Variants in ZNF385B observed in about 807,000 individuals in gnomAD.
The protein encoded by ZNF385B is zinc finger protein 533.
Under a neutral mutation model 39.2 loss-of-function variants are expected in ZNF385B, and 23 were observed. That is an observed-to-expected ratio of 0.59 (90% CI 0.42 to 0.83). The LOEUF is 0.83. Among genes scored for constraint, ZNF385B ranks in the 40% least tolerant of loss-of-function variants. The pLI is 0.00. For synonymous variants in ZNF385B, 205 were observed against 222.6 expected, an observed-to-expected ratio of 0.92 and a Z score of 0.70; for missense variants, 552 against 598.9, an observed-to-expected ratio of 0.92 and a Z score of 0.82.
chr2:179,496,971 C>A (rs1417904586), intron 5 of ZNF385B, among the ~76,000 whole-genome samples: 1 of 152,168 alleles, frequency 6.6e-6, no homozygotes, highest in African/African-American at 2.4e-5. Context: ...ATCACTTGAA[C>A]CTGAGAGGCA....
intron 3 of ZNF385B, among the ~76,000 whole-genome samples, chr2:179,662,087 A>G (rs556274569): frequency 2.0e-4 from 31 of 152,358 alleles, no homozygotes; most frequent in African/African-American, 7.2e-4. Flanking sequence ...TTAGTGAAGC[A>G]GATGTTCATT....
chr2:179,444,980 GA>G lies in ZNF385B; in HGVS notation c.1141-4del. ...TTATGCCTTCGGCTAGAAATGTGCT[GA>G]AAAAGTTTGATGCATTAGCTGGACT... On this transcript the variant is annotated splice_region_variant and splice_polypyrimidine_tract_variant and intron_variant, in intron 8 of 9. Coordinates refer to ENST00000410066, the MANE Select transcript of ZNF385B (RefSeq NM_152520.6). The G allele has an allele frequency of 6.2e-7, 1 of 1,613,354 alleles. No homozygotes were observed. The highest frequency in any genetic ancestry group is 8.5e-7 in the Non-Finnish European group (1 of 1,179,340).
chr2:179,481,739 G>A (rs959802992), intron 6 of ZNF385B, among the ~76,000 whole-genome samples: 3 of 152,120 alleles, frequency 2.0e-5, no homozygotes, highest in Admixed American at 2.0e-4. Flanking sequence ...AAAACCTTTT[G>A]CAGAGTATTA....
At chr2:179,559,648 T>C (rs1338322323) in intron 3 of ZNF385B, among the ~76,000 whole-genome samples, 1 of 152,116 alleles carries the variant, frequency 6.6e-6, no homozygotes, top group African/African-American at 2.4e-5. Flanking sequence ...TCGGGTTTTT[T>C]TTAATATCAT....
In ZNF385B at chr2:179,725,932, A is replaced by ATG. The variant is rs145287508; in HGVS notation, c.298+43569_298+43570dup. Reference sequence around the variant, plus strand: ...TGTGTATATATATATATATATATATATGTGTATATACAGAGAGAGAGATAA... The same window carrying ATG: ...TGTGTATATATATATATATATATATATGTGTGTATATACAGAGAGAGAGATAA... On this transcript the variant is annotated intron_variant, in intron 3 of 9. Coordinates refer to ENST00000410066, the MANE Select transcript of ZNF385B (RefSeq NM_152520.6). Among the ~76,000 whole-genome samples the ATG allele has an allele frequency of 8.6e-5, 11 of 127,786 alleles. No individual in the cohort carries two copies. The East Asian group carries it at 2.0e-3, about 23-fold the overall frequency. 83.8% of individuals were successfully genotyped at this position (127,786 alleles called of 152,430 possible).
At chr2:179,801,060 C>T (rs1342926345) in intron 1 of ZNF385B, among the ~76,000 whole-genome samples, 1 of 152,026 alleles carries the variant, frequency 6.6e-6, no homozygotes, top group African/African-American at 2.4e-5. Context: ...CATTTGGTAT[C>T]CCTTCCTTTC....
chr2:179,701,957 T>A (rs1169972348), intron 3 of ZNF385B, among the ~76,000 whole-genome samples: 1 of 152,190 alleles, frequency 6.6e-6, no homozygotes, highest in Non-Finnish European at 1.5e-5. Flanking sequence ...CAGAGATGAA[T>A]CCTCAGCTAA....
chr2:179,681,080 GT>G (rs11371583), intron 3 of ZNF385B, among the ~76,000 whole-genome samples: 171 of 139,054 alleles, frequency 1.2e-3, no homozygotes, highest in South Asian at 2.2e-3. Context: ...TTAAACAACT[GT>G]TTTTTTTTTT....
chr2:179,683,339 G>A (rs1411518025), intron 3 of ZNF385B, among the ~76,000 whole-genome samples: 1 of 151,918 alleles, frequency 6.6e-6, no homozygotes. Context: ...TCAGTGAGTC[G>A]AGATCATGGC....
intron 3 of ZNF385B, among the ~76,000 whole-genome samples, chr2:179,736,708 G>A (rs1575387794): frequency 1.3e-5 from 2 of 152,042 alleles, no homozygotes; most frequent in South Asian, 2.1e-4. Flanking sequence ...GTAGGCTCAC[G>A]TCTGTAATCC....
intron 6 of ZNF385B, among the ~76,000 whole-genome samples, chr2:179,460,827 A>C (rs1010362881): frequency 6.6e-6 from 1 of 152,084 alleles, no homozygotes; most frequent in Non-Finnish European, 1.5e-5. Flanking sequence ...TGCCCATGAA[A>C]CTATCCTTGA....
chr2:179,545,150 AAGAC>A (rs1182337514), intron 3 of ZNF385B, among the ~76,000 whole-genome samples, 181 bp from the exon 4 acceptor site: 1 of 152,230 alleles, frequency 6.6e-6, no homozygotes, highest in Non-Finnish European at 1.5e-5. Flanking sequence ...CTCATTATCC[AAGAC>A]AGTGGTGCAC....
rs1401662372 is a variant in ZNF385B, at chr2:179,443,293, G to C, written c.1418C>G (p.Pro473Arg). Residue 473 changes from proline (P) to arginine (R), a missense_variant, in exon 10 of 10, where the codon CCC (proline) becomes CGC (arginine). Physicochemically the swap from Pro to Arg is moderately radical, Grantham distance 103. Transcript: ENST00000410066. ...PPALLRPGHG[P>R]IRATPASILF... is the part of the protein sequence containing the mutation. ...GATGGAGGCAGGAGTGGCGCGGATG[G>C]GCCCATGCCCAGGCCTCAGAAGAGC... is the stretch of plus-strand genomic sequence containing the variant. 14 of 1,612,584 alleles carry C rather than the reference G, an allele frequency of 8.7e-6. No homozygotes were observed. Among genetic ancestry groups the C allele is most frequent in the Non-Finnish European group, 1.2e-5 (14 of 1,180,028 alleles).
At chr2:179,552,417 T>C (rs964777645) in intron 3 of ZNF385B, among the ~76,000 whole-genome samples, 2 of 149,362 alleles carry the variant, frequency 1.3e-5, no homozygotes, top group Admixed American at 1.3e-4. Context: ...TTATTATGCA[T>C]GTTCCCATCA....
At chr2:179,478,198 C>G (rs545031668) in intron 6 of ZNF385B, among the ~76,000 whole-genome samples, 1 of 152,288 alleles carries the variant, frequency 6.6e-6, no homozygotes, top group East Asian at 1.9e-4. Context: ...TTGGGAGCAG[C>G]TTGAAGGTGA....
chr2:179,571,003 A>G (rs1214031672), intron 3 of ZNF385B, among the ~76,000 whole-genome samples: 1 of 152,232 alleles, frequency 6.6e-6, no homozygotes, highest in Non-Finnish European at 1.5e-5. Flanking sequence ...TAAAGCAAAT[A>G]CTTGTTTCAT....
intron 3 of ZNF385B, among the ~76,000 whole-genome samples, chr2:179,668,618 C>T (rs1193028351): frequency 1.6e-5 from 1 of 64,244 alleles, no homozygotes; most frequent in African/African-American, 5.4e-5. Flanking sequence ...GAGCCAACAC[C>T]TTTCTTTTTT....
intron 3 of ZNF385B, among the ~76,000 whole-genome samples, chr2:179,562,903 A>C (rs752118525): frequency 2.0e-5 from 3 of 152,182 alleles, no homozygotes; most frequent in Non-Finnish European, 4.4e-5. Context: ...AATCTTTTAA[A>C]ATTGCTTTTT....
intron 1 of ZNF385B, among the ~76,000 whole-genome samples, chr2:179,799,087 G>T (rs927666506): frequency 6.6e-6 from 1 of 151,886 alleles, no homozygotes; most frequent in Non-Finnish European, 1.5e-5. Flanking sequence ...ACATTTATTT[G>T]TCATGCTTAT....
Sources: allele counts gnomAD v4.1 joint callset (sites outside exome capture counted in the v4.1 genomes callset), GRCh38; gene constraint gnomAD v4.1.1; transcripts MANE v1.5; gene names NCBI Gene and HGNC (gene_info 2026-07-23, HGNC 2026-07-21).